ELMO1: variants seen among roughly 807,000 people sequenced by gnomAD.
ELMO1 encodes engulfment and cell motility 1, also known as engulfment and cell motility protein 1.
Under a neutral mutation model 98.9 loss-of-function variants are expected in ELMO1, and 26 were observed. The observed-to-expected ratio is 0.26, with a 90% CI of 0.19 to 0.36. The LOEUF (loss-of-function observed/expected upper bound fraction) is 0.36. Ranked by LOEUF, ELMO1 falls within the 10% of genes least tolerant of loss-of-function variation. The pLI is 1.00. For synonymous variants in ELMO1, 346 were observed against 346.0 expected, an observed-to-expected ratio of 1.00 and a Z score of 0.00; for missense variants, 627 against 935.2, an observed-to-expected ratio of 0.67 and a Z score of 4.30.
chr7:37,022,091 T>A lies in ELMO1; in HGVS notation c.1301-8656A>T, dbSNP rs186614835. The stretch of plus-strand genomic sequence containing the variant: ...AATTATGACTCCCTACCTCATACCA[T>A]CTGCAAAGATCAGTTCTGCGTGGAT... On this transcript the variant is annotated intron_variant, in intron 15 of 21. Transcript: ENST00000310758. Among the ~76,000 whole-genome samples, 15 of 152,312 alleles carry A rather than the reference T, an allele frequency of 9.8e-5. No homozygotes were observed. In the East Asian group the frequency reaches 2.9e-3, roughly 29 times the overall value.
intron 16 of ELMO1, among the ~76,000 whole-genome samples, chr7:36,986,680 T>C (rs1178951250): frequency 3.9e-5 from 6 of 152,190 alleles, no homozygotes; most frequent in Non-Finnish European, 7.3e-5. Context: ...TTTATTTGAT[T>C]GTGAGTTTGC....
At chr7:37,085,091 T>C (rs1448394334) in intron 15 of ELMO1, among the ~76,000 whole-genome samples, 1 of 152,186 alleles carries the variant, frequency 6.6e-6, no homozygotes, top group Non-Finnish European at 1.5e-5. Flanking sequence ...GAAGTTCAAG[T>C]GCCCAAGGCT....
intron 16 of ELMO1, among the ~76,000 whole-genome samples, chr7:36,935,107 G>A (rs1786401470): frequency 6.6e-6 from 1 of 152,180 alleles, no homozygotes; most frequent in Non-Finnish European, 1.5e-5. Context: ...TCGTGCTGTG[G>A]AAGGGACCCA....
chr7:36,943,019 G>C (rs766241238), intron 16 of ELMO1, among the ~76,000 whole-genome samples: 2 of 152,172 alleles, frequency 1.3e-5, no homozygotes, highest in Admixed American at 1.3e-4. Flanking sequence ...CGGCAGGCTG[G>C]CATGTGGGAC....
At chr7:37,418,041 T>G (rs1458414575) in intron 1 of ELMO1, among the ~76,000 whole-genome samples, 1 of 152,074 alleles carries the variant, frequency 6.6e-6, no homozygotes, top group African/African-American at 2.4e-5. Context: ...TCTAGAGCTG[T>G]GAGAGAACAA....
intron 1 of ELMO1, among the ~76,000 whole-genome samples, chr7:37,373,818 G>A (rs1382765376): frequency 6.6e-6 from 1 of 152,106 alleles, no homozygotes; most frequent in African/African-American, 2.4e-5. Flanking sequence ...TCTCTCCTTT[G>A]CCTGCTGCCT....
intron 16 of ELMO1, among the ~76,000 whole-genome samples, chr7:36,994,566 G>A (rs1391383001): frequency 6.6e-6 from 1 of 152,232 alleles, no homozygotes; most frequent in African/African-American, 2.4e-5. Flanking sequence ...CCATGGGGAT[G>A]AGGATATCTG....
At chr7:37,356,968 C>A (rs940596817) in intron 1 of ELMO1, among the ~76,000 whole-genome samples, 1 of 152,088 alleles carries the variant, frequency 6.6e-6, no homozygotes, top group Non-Finnish European at 1.5e-5. Flanking sequence ...CCCAAAGACC[C>A]TCTTTCCAGA....
intron 16 of ELMO1, among the ~76,000 whole-genome samples, chr7:36,941,067 C>T (rs1326926404): frequency 6.6e-6 from 1 of 152,142 alleles, no homozygotes; most frequent in Non-Finnish European, 1.5e-5. Flanking sequence ...AAATGAAATT[C>T]CAAGTTTGTT....
At chr7:37,345,246 C>G (rs1448057724) in intron 1 of ELMO1, among the ~76,000 whole-genome samples, 5 of 152,144 alleles carry the variant, frequency 3.3e-5, no homozygotes, top group Non-Finnish European at 5.9e-5. Flanking sequence ...GGTCTATTCC[C>G]CATGCTGAGG....
intron 1 of ELMO1, among the ~76,000 whole-genome samples, chr7:37,360,300 C>T (rs1562642379): frequency 6.6e-6 from 1 of 151,970 alleles, no homozygotes; most frequent in Non-Finnish European, 1.5e-5. Flanking sequence ...GTAACAGGCC[C>T]CAGCATTTAA....
chr7:37,019,222 A>G (rs59254304), intron 15 of ELMO1, among the ~76,000 whole-genome samples: 3,186 of 152,344 alleles, frequency 0.021, 120 homozygotes, highest in African/African-American at 0.072. Context: ...CCAGCATTGT[A>G]TCTCCAGCAC....
intron 16 of ELMO1, among the ~76,000 whole-genome samples, chr7:36,969,461 C>T (rs1034977634): frequency 6.6e-6 from 1 of 151,894 alleles, no homozygotes; most frequent in Non-Finnish European, 1.5e-5. Flanking sequence ...GTTTTTCAAC[C>T]CAATTTAAGA....
chr7:37,236,938 A>C (rs1459562119), intron 7 of ELMO1, among the ~76,000 whole-genome samples: 1 of 152,248 alleles, frequency 6.6e-6, no homozygotes, highest in Non-Finnish European at 1.5e-5. Flanking sequence ...CAAGGCTAAA[A>C]GAATTACAAA....
At chr7:37,344,670 G>A (rs1014641862) in intron 1 of ELMO1, among the ~76,000 whole-genome samples, 4 of 152,238 alleles carry the variant, frequency 2.6e-5, no homozygotes, top group Admixed American at 2.0e-4. Flanking sequence ...GGACTTGTAT[G>A]AGGTTGTCTA....
chr7:37,053,285 A>AACACACACACACACACAC (rs59573752), intron 15 of ELMO1, among the ~76,000 whole-genome samples: 12 of 138,870 alleles, frequency 8.6e-5, no homozygotes, highest in Admixed American at 2.9e-4. Flanking sequence ...CATTTGTTAA[A>AACACACACACACACACAC]ACACACACAC....
intron 1 of ELMO1, among the ~76,000 whole-genome samples, chr7:37,436,392 A>G (rs1805144753): frequency 6.6e-6 from 1 of 152,250 alleles, no homozygotes; most frequent in Non-Finnish European, 1.5e-5. Context: ...TGTCAGGTCC[A>G]ATGAAGATAT....
At chr7:37,088,998 GA>G (rs975199953) in intron 15 of ELMO1, among the ~76,000 whole-genome samples, 8 of 150,490 alleles carry the variant, frequency 5.3e-5, no homozygotes, top group African/African-American at 1.7e-4. Context: ...CGTATTTGGA[GA>G]AAAAAAAAGG....
intron 4 of ELMO1, among the ~76,000 whole-genome samples, chr7:37,288,436 G>A (rs1472621446): frequency 6.6e-6 from 1 of 152,188 alleles, no homozygotes; most frequent in Non-Finnish European, 1.5e-5. Flanking sequence ...TGTTGGTCAG[G>A]CTGGTCTTGA....
Sources: gnomAD v4.1 joint callset for allele counts (sites outside exome capture counted in the v4.1 genomes callset) on GRCh38, gnomAD v4.1.1 for gene constraint, MANE v1.5 for transcripts, NCBI Gene and HGNC (gene_info 2026-07-23, HGNC 2026-07-21) for gene names.